The following KIF21A variants were observed in gnomAD, a reference collection of about 807,000 sequenced individuals.
The protein encoded by KIF21A is kinesin family member 21A.
A neutral mutation model predicts 202.9 loss-of-function variants in KIF21A; 114 were observed. The observed-to-expected ratio is 0.56, with a 90% CI of 0.48 to 0.66. KIF21A has a LOEUF of 0.66. Ranked by LOEUF, KIF21A falls within the 30% of genes least tolerant of loss-of-function variation. The probability of loss-of-function intolerance (pLI) is 0.00; values close to 1 mark genes in which losing one functional copy is unlikely to be tolerated. For missense variants in KIF21A, 1,677 were observed against 1,994.9 expected (o/e 0.84, Z 3.04); for synonymous variants, 667 against 670.8 (o/e 0.99, Z 0.09).
intron 7 of KIF21A, among the ~76,000 whole-genome samples, chr12:39,361,167 C>G (rs1459555533): frequency 6.6e-6 from 1 of 152,064 alleles, no homozygotes; most frequent in Non-Finnish European, 1.5e-5. Flanking sequence ...AGCAAACTTT[C>G]AAAAGTATTG....
chr12:39,387,198 ACACAC>A (rs1050795157), intron 1 of KIF21A, among the ~76,000 whole-genome samples: 4 of 151,168 alleles, frequency 2.6e-5, no homozygotes, highest in South Asian at 2.1e-4. Flanking sequence ...ACACACACAC[ACACAC>A]AAGCTTGGAC....
chr12:39,357,357 A>G lies in KIF21A; in HGVS notation c.1296T>C (p.Asn432=). 1 of 1,614,046 alleles carries G rather than the reference A, an allele frequency of 6.2e-7. No individual in the cohort carries two copies. Among genetic ancestry groups the G allele is most frequent in the Non-Finnish European group, 8.5e-7 (1 of 1,179,934 alleles). The change falls in exon 9 of 38, where the codon AAT becomes AAC. Residue 432 remains asparagine (N), a synonymous_variant. Transcript: ENST00000361418. ...CTTTAATTCTTACACGCAGGTTATTATTTTCAGTCTGTAGCATAGCATTCT... is the reference window on the plus strand; with the variant it reads ...CTTTAATTCTTACACGCAGGTTATTGTTTTCAGTCTGTAGCATAGCATTCT... ...FHENAMLQTE[N]NNLRVRIKAM...
chr12:39,398,978 C>A (rs1951963897), intron 1 of KIF21A, among the ~76,000 whole-genome samples: 1 of 152,076 alleles, frequency 6.6e-6, no homozygotes, highest in Admixed American at 6.6e-5. Context: ...ACTCCCCACA[C>A]TTTGGGAGGC....
Position 39,442,839 on chromosome 12 carries a change from C to G in KIF21A, c.44+88G>C, listed in dbSNP as rs1939844313. On this transcript the variant is annotated intron_variant, in intron 1 of 37. Transcript: ENST00000361418. This position sits in a 1 kb window ranked among gnomAD's most constrained non-coding sequence, Gnocchi z 5.0. ...GGGACGCCCCTCAGGTCGCTCCACC[C>G]CGGTAGCCGGTGCTCCGCGCCACAG... 1 of 1,475,992 alleles carries G rather than the reference C, an allele frequency of 6.8e-7. No homozygotes were observed. The highest frequency in any genetic ancestry group is 1.5e-5 in the African/African-American group (1 of 68,902). 91.4% of individuals were successfully genotyped at this position (1,475,992 alleles called of 1,614,324 possible). A position where few individuals can be genotyped will look rare whatever the true frequency, so the allele number is the denominator to read the frequency against.
At chr12:39,438,646 T>C (rs1183255096) in intron 1 of KIF21A, among the ~76,000 whole-genome samples, 1 of 152,186 alleles carries the variant, frequency 6.6e-6, no homozygotes, top group African/African-American at 2.4e-5. Context: ...CTGTCAAGGA[T>C]AGGTACAGTT....
chr12:39,412,118 C>T (rs1006208719), intron 1 of KIF21A, among the ~76,000 whole-genome samples: 1 of 152,016 alleles, frequency 6.6e-6, no homozygotes, highest in Admixed American at 6.6e-5. Context: ...TGAGATTACA[C>T]GGGAGCGTGA....
intron 1 of KIF21A, among the ~76,000 whole-genome samples, chr12:39,387,184 A>C (rs938282094): frequency 6.6e-6 from 1 of 151,604 alleles, no homozygotes; most frequent in African/African-American, 2.4e-5. Flanking sequence ...ACACACACAC[A>C]CACACACACA....
At chr12:39,428,519 ATTG>A (rs1390250174) in intron 1 of KIF21A, among the ~76,000 whole-genome samples, 1 of 152,224 alleles carries the variant, frequency 6.6e-6, no homozygotes, top group African/African-American at 2.4e-5. Flanking sequence ...GTCACAAATA[ATTG>A]TTAATTGATT....
At chr12:39,429,843 T>C (rs1555203496) in intron 1 of KIF21A, among the ~76,000 whole-genome samples, 11 of 151,144 alleles carry the variant, frequency 7.3e-5, no homozygotes, top group Non-Finnish European at 1.6e-4. Context: ...AAACAGCAGA[T>C]AGAAGGAGGA....
intron 31 of KIF21A, among the ~76,000 whole-genome samples, chr12:39,314,887 G>GA (rs527244208): frequency 4.6e-5 from 7 of 150,820 alleles, no homozygotes; most frequent in Admixed American, 1.3e-4. Flanking sequence ...AGTCTTTTGA[G>GA]AAAAAAAATC....
chr12:39,315,857 G>A, intron 30 of KIF21A, 75 bp downstream of exon 30: 1 of 1,033,452 alleles, frequency 9.7e-7, no homozygotes. Flanking sequence ...AATGAGACTT[G>A]CTTAGAATTT....
At position 39,340,139 on chromosome 12, in the gene KIF21A, C is replaced by T. The variant is rs201873925; in HGVS notation, c.2310+26G>A. 1.5e-4 allele frequency: 229 copies of T among 1,572,050 alleles called. 1 individual carries two copies. The Middle Eastern group carries it at 3.5e-3, about 24-fold the overall frequency. ...TGACAAAATCATACTGAACATCAAA[C>T]GTTAATGGAAAAAAATAATCAATAC... On this transcript the variant is annotated intron_variant, in intron 16 of 37. Coordinates refer to ENST00000361418, the MANE Select transcript of KIF21A (RefSeq NM_001173464.2).
intron 1 of KIF21A, among the ~76,000 whole-genome samples, chr12:39,432,881 G>A (rs1938149440): frequency 3.9e-5 from 6 of 152,128 alleles, no homozygotes; most frequent in Admixed American, 2.6e-4. Flanking sequence ...AAAGTGCTGG[G>A]ATTACAGGCG....
In KIF21A at chr12:39,335,094, A is replaced by T. The variant is rs554040603; in HGVS notation, c.2419-1814T>A. 4.1e-4 allele frequency among the ~76,000 whole-genome samples: 63 copies of T among 152,328 alleles called. 1 individual carries two copies. In the South Asian group the frequency reaches 0.013, roughly 32 times the overall value. On this transcript the variant is annotated intron_variant, in intron 17 of 37. Transcript: ENST00000361418. Reference sequence around the variant, plus strand: ...GAATGAAGTGCTGATACATGTTATAACATGGCTGAACCTTGAAAACATCGT... The same window carrying T: ...GAATGAAGTGCTGATACATGTTATATCATGGCTGAACCTTGAAAACATCGT...
chr12:39,309,652 G>A lies in KIF21A; in HGVS notation c.4211C>T (p.Thr1404Ile). 5.6e-6 allele frequency: 9 copies of A among 1,613,108 alleles called. No individual in the cohort carries two copies. The highest frequency in any genetic ancestry group is 7.6e-6 in the Non-Finnish European group (9 of 1,179,546). ...KYCNYTSLVF[T>I]VSTSYIKVWD... is the part of the protein sequence containing the mutation. Reference sequence around the variant, plus strand: ...CACCTTAATATAAGATGTTGATACAGTGAAGACCAAACTGGTATAATTACA... The same window carrying A: ...CACCTTAATATAAGATGTTGATACAATGAAGACCAAACTGGTATAATTACA... Residue 1404 changes from threonine to isoleucine, a missense_variant, in exon 33 of 38, where the codon ACT becomes ATT. Transcript: ENST00000361418.
chr12:39,345,864 GT>G (rs1947845541), intron 12 of KIF21A, among the ~76,000 whole-genome samples: 1 of 151,886 alleles, frequency 6.6e-6, no homozygotes, highest in African/African-American at 2.4e-5. Context: ...CAACTATCCT[GT>G]TTTTGATGTC....
At position 39,357,238 on chromosome 12, in the gene KIF21A, A is replaced by G. The variant is rs758997219; in HGVS notation, c.1405+10T>C. ...GTTAATCCCTCACTTATCCCACCCT[A>G]CCCACATACCTGCTCTGGCAAGAAC... On this transcript the variant is annotated intron_variant, in intron 9 of 37. Coordinates refer to ENST00000361418, the MANE Select transcript of KIF21A (RefSeq NM_001173464.2). 2 of 1,613,500 alleles carry G rather than the reference A, an allele frequency of 1.2e-6. No individual in the cohort carries two copies. The highest frequency in any genetic ancestry group is 1.7e-6 in the Non-Finnish European group (2 of 1,179,450).
intron 1 of KIF21A, among the ~76,000 whole-genome samples, chr12:39,415,147 G>C (rs1479062760): frequency 6.8e-6 from 1 of 147,286 alleles, no homozygotes; most frequent in East Asian, 2.1e-4. Flanking sequence ...CTTTCCTTAA[G>C]TCAGTTTTTT....
At chr12:39,423,571 T>C (rs2140255659) in intron 1 of KIF21A, among the ~76,000 whole-genome samples, 1 of 151,018 alleles carries the variant, frequency 6.6e-6, no homozygotes, top group East Asian at 1.9e-4. Flanking sequence ...AAATGCAGGC[T>C]GGGCGCCGTG....
Sources: gnomAD v4.1 joint callset for allele counts (sites outside exome capture counted in the v4.1 genomes callset) on GRCh38, gnomAD v4.1.1 for gene constraint, Gnocchi (gnomAD v3.1) non-coding constraint, MANE v1.5 for transcripts, NCBI Gene and HGNC (gene_info 2026-07-23, HGNC 2026-07-21) for gene names.